TRDN: variants seen among roughly 807,000 people sequenced by gnomAD.
TRDN encodes triadin, also known as triadin in skeletal muscle.
A neutral mutation model predicts 149.7 loss-of-function variants in TRDN; 161 were observed. The ratio of observed to expected loss-of-function variants is 1.08; its 90% CI spans 0.95 to 1.23. TRDN has a LOEUF of 1.23. Among genes scored for constraint, TRDN ranks in the 50% most tolerant of loss-of-function variants. The pLI is 0.00. For missense variants in TRDN, 896 were observed against 823.5 expected (o/e 1.09, Z -1.08); for synonymous variants, 294 against 250.5 (o/e 1.17, Z -1.64).
rs188008208 is a variant in TRDN, at chr6:123,261,926, T to G, written c.1805-1288A>C. On this transcript the variant is annotated intron_variant, in intron 33 of 40. Coordinates refer to ENST00000334268, the MANE Select transcript of TRDN (RefSeq NM_006073.4). ...GCATTGAATCCATTATGAAGTAGCC[T>G]GTAGCTGCATTATTAACGAATCTGT... Among the ~76,000 whole-genome samples, 4 of 152,070 alleles carry G rather than the reference T, an allele frequency of 2.6e-5. No individual in the cohort carries two copies. In the East Asian group the frequency reaches 7.7e-4, roughly 29 times the overall value.
intron 1 of TRDN, among the ~76,000 whole-genome samples, chr6:123,629,689 T>C (rs765611665): frequency 3.3e-5 from 5 of 152,044 alleles, no homozygotes; most frequent in Non-Finnish European, 5.9e-5. Flanking sequence ...GAGTCTGCAG[T>C]TTATGAGGAA....
rs147679445 is a variant in TRDN at position 123,260,250 on chromosome 6, A to G, written c.1831+362T>C. Among the ~76,000 whole-genome samples, 5 of 152,276 alleles carry G rather than the reference A, an allele frequency of 3.3e-5. No individual in the cohort carries two copies. In the East Asian group the frequency reaches 9.6e-4, roughly 29 times the overall value. On this transcript the variant is annotated intron_variant, in intron 34 of 40. Transcript: ENST00000334268. ...ATTTGCCTGGCATGATGGATTCATA[A>G]GTAAACTAATGAATTAAAGCAATAA...
At chr6:123,560,065 C>T (rs1056572334) in intron 2 of TRDN, among the ~76,000 whole-genome samples, 1 of 152,188 alleles carries the variant, frequency 6.6e-6, no homozygotes, top group Non-Finnish European at 1.5e-5. Flanking sequence ...ACCCTGTAGC[C>T]TTTCTGTCCA....
chr6:123,541,548 C>G, intron 4 of TRDN, among the ~76,000 whole-genome samples: 1 of 152,128 alleles, frequency 6.6e-6, no homozygotes, highest in South Asian at 2.1e-4. Flanking sequence ...CCTCTCACCC[C>G]CATCACAGGT....
chr6:123,512,278 T>C (rs777243477), intron 7 of TRDN, 25 bp downstream of exon 7: 8 of 1,302,700 alleles, frequency 6.1e-6, no homozygotes, highest in African/African-American at 1.5e-5. Flanking sequence ...AATTTAGTTA[T>C]GGAAATAATA....
intron 38 of TRDN, among the ~76,000 whole-genome samples, chr6:123,232,749 G>A (rs1189895358): frequency 6.6e-6 from 1 of 152,024 alleles, no homozygotes; most frequent in Non-Finnish European, 1.5e-5. Context: ...GTAATTTGGG[G>A]AGAAGGCAAA....
chr6:123,522,736 T>A (rs1342278872), intron 5 of TRDN, among the ~76,000 whole-genome samples: 3 of 152,264 alleles, frequency 2.0e-5, no homozygotes, highest in South Asian at 4.1e-4. Context: ...GAATGTCAAA[T>A]GCAAAGTTGT....
intron 8 of TRDN, 42 bp from the exon 9 acceptor site, chr6:123,497,294 C>A: frequency 7.4e-7 from 1 of 1,344,596 alleles, no homozygotes. Flanking sequence ...AAAATGTCAT[C>A]AACACTTCAT....
intron 9 of TRDN, among the ~76,000 whole-genome samples, chr6:123,482,631 C>T (rs890424818): frequency 3.3e-5 from 5 of 152,168 alleles, no homozygotes; most frequent in Non-Finnish European, 7.4e-5. Context: ...AGGTCTACAT[C>T]TTAATGCAAC....
intron 12 of TRDN, among the ~76,000 whole-genome samples, chr6:123,394,603 C>G (rs9385299): frequency 0.19 from 28,118 of 151,960 alleles, 3,718 homozygotes; most frequent in East Asian, 0.64. Context: ...TTCAATCTTT[C>G]ATTTAATTAT....
At chr6:123,229,118 C>A (rs1775498380) in intron 38 of TRDN, among the ~76,000 whole-genome samples, 1 of 151,826 alleles carries the variant, frequency 6.6e-6, no homozygotes, top group Non-Finnish European at 1.5e-5. Flanking sequence ...GAAACAGATT[C>A]CAGAGGAATC....
intron 19 of TRDN, 85 bp downstream of exon 19, chr6:123,375,520 T>C (rs1473657906): frequency 4.3e-6 from 5 of 1,161,080 alleles, no homozygotes; most frequent in Non-Finnish European, 6.0e-6. Context: ...ATTCTCAAAA[T>C]TAGCATTAGC....
intron 22 of TRDN, among the ~76,000 whole-genome samples, chr6:123,336,084 T>C (rs899057799): frequency 1.3e-5 from 2 of 152,014 alleles, no homozygotes; most frequent in African/African-American, 4.8e-5. Context: ...TAGACTATTT[T>C]TCATAGTGTA....
At chr6:123,330,028 T>C (rs1405344768) in intron 23 of TRDN, among the ~76,000 whole-genome samples, 1 of 152,060 alleles carries the variant, frequency 6.6e-6, no homozygotes, top group Non-Finnish European at 1.5e-5. Context: ...TGGCTGGTGC[T>C]AGATCCAACC....
chr6:123,547,439 AT>A (rs1357915814), intron 3 of TRDN, 67 bp from the exon 4 acceptor site: 2 of 900,288 alleles, frequency 2.2e-6, no homozygotes, highest in African/African-American at 1.8e-5. Context: ...TGACATCATT[AT>A]TTTCCCCTTT....
chr6:123,268,426 A>T (rs1464592544), intron 31 of TRDN, among the ~76,000 whole-genome samples: 9 of 152,086 alleles, frequency 5.9e-5, no homozygotes, highest in African/African-American at 2.2e-4. Flanking sequence ...TAAAGAGATC[A>T]TTCTCTTTCA....
rs759126653 is a variant in TRDN at position 123,265,346 on chromosome 6, G to C, written c.1784-8C>G. 8.6e-6 allele frequency: 12 copies of C among 1,400,758 alleles called. No individual in the cohort carries two copies. Among genetic ancestry groups the C allele is most frequent in the Non-Finnish European group, 1.0e-5 (11 of 1,048,992 alleles). The allele number at this position is 1,400,758 out of a possible 1,614,324, so 86.8% of individuals were successfully genotyped here. On this transcript the variant is annotated splice_polypyrimidine_tract_variant and splice_region_variant and intron_variant, in intron 32 of 40. Transcript: ENST00000334268. ...GAGTTGGTTTTGGTTTGTCTAAAAA[G>C]GAAAAAAGAAAAAAAAAGAAAATGA...
chr6:123,301,794 TGAAA>T (rs1562252388), intron 24 of TRDN, among the ~76,000 whole-genome samples: 4 of 138,058 alleles, frequency 2.9e-5, no homozygotes, highest in South Asian at 2.3e-4. Flanking sequence ...TATACATAAA[TGAAA>T]ATATCTGGTG....
intron 38 of TRDN, among the ~76,000 whole-genome samples, chr6:123,234,927 C>G (rs1006027427): frequency 6.6e-6 from 1 of 151,928 alleles, no homozygotes; most frequent in Non-Finnish European, 1.5e-5. Context: ...AGGCTAGGAT[C>G]GTTTGTTAAG....
Sources: allele counts gnomAD v4.1 joint callset (sites outside exome capture counted in the v4.1 genomes callset), GRCh38; gene constraint gnomAD v4.1.1; transcripts MANE v1.5; gene names NCBI Gene and HGNC (gene_info 2026-07-23, HGNC 2026-07-21).